Variants in ADD3 observed in about 807,000 individuals in gnomAD.
ADD3 encodes gamma-adducin.
In ADD3, 25 loss-of-function variants were observed where a neutral mutation model predicts 80.2. The observed-to-expected ratio is 0.31, with a 90% CI of 0.23 to 0.44. ADD3 has a LOEUF of 0.44. ADD3 is among the 20% of genes least tolerant of loss of function. The pLI, the probability that ADD3 is intolerant of heterozygous loss-of-function variation, is 1.00. For synonymous variants in ADD3, 284 were observed against 289.6 expected (o/e 0.98, Z 0.20); for missense variants, 829 against 847.5 (o/e 0.98, Z 0.27).
At chr10:110,064,683 AAAGTT>A (rs1392551209) in intron 1 of ADD3, among the ~76,000 whole-genome samples, 1 of 152,224 alleles carries the variant, frequency 6.6e-6, no homozygotes, top group Non-Finnish European at 1.5e-5. Flanking sequence ...CTTAAAATCC[AAAGTT>A]AATAGCTGTC....
intron 1 of ADD3, among the ~76,000 whole-genome samples, chr10:110,072,100 C>T (rs1284158490): frequency 6.6e-6 from 1 of 152,224 alleles, no homozygotes; most frequent in Non-Finnish European, 1.5e-5. Flanking sequence ...CTCTCTCTGT[C>T]ACCCAGGCTG....
At chr10:110,111,497 T>G (rs1302501773) in intron 2 of ADD3, among the ~76,000 whole-genome samples, 1 of 152,200 alleles carries the variant, frequency 6.6e-6, no homozygotes, top group African/African-American at 2.4e-5. Context: ...AGAGGCGTTC[T>G]CTTAATATTA....
chr10:110,080,521 A>G (rs1845947224), intron 1 of ADD3, among the ~76,000 whole-genome samples: 1 of 152,220 alleles, frequency 6.6e-6, no homozygotes, highest in African/African-American at 2.4e-5. Flanking sequence ...ATCATTCTAT[A>G]TTTTACATAA....
chr10:110,123,229 A>G lies in ADD3; in HGVS notation c.1144-788A>G, dbSNP rs182055579. ...CTGAGTACATTCCCTTTGGATATATATCTGGTAGTGAGACTGTTGGGTGAT... is the reference window on the plus strand; with the variant it reads ...CTGAGTACATTCCCTTTGGATATATGTCTGGTAGTGAGACTGTTGGGTGAT... On this transcript the variant is annotated intron_variant, in intron 9 of 14. Coordinates refer to ENST00000356080, the MANE Select transcript of ADD3 (RefSeq NM_016824.5). Among the ~76,000 whole-genome samples the G allele has an allele frequency of 4.6e-5, 7 of 152,278 alleles. No homozygotes were observed. In the East Asian group the frequency reaches 9.6e-4, roughly 21 times the overall value.
At chr10:110,121,047 T>C (rs931295459) in intron 8 of ADD3, among the ~76,000 whole-genome samples, 2 of 151,904 alleles carry the variant, frequency 1.3e-5, no homozygotes, top group Non-Finnish European at 2.9e-5. Context: ...CATAAAAACC[T>C]TAGAAGAAAA....
intron 1 of ADD3, among the ~76,000 whole-genome samples, chr10:110,032,113 C>T (rs1197719836): frequency 2.0e-5 from 3 of 152,106 alleles, no homozygotes; most frequent in African/African-American, 2.4e-5. Flanking sequence ...AAATCTTGGA[C>T]TTCAGAGACT....
At chr10:110,059,780 A>AAAAT (rs1194510878) in intron 1 of ADD3, among the ~76,000 whole-genome samples, 1 of 152,214 alleles carries the variant, frequency 6.6e-6, no homozygotes, top group Admixed American at 6.5e-5. Flanking sequence ...AAAAAAATAA[A>AAAAT]AAATAAATAA....
Position 110,117,921 on chromosome 10 carries a change from C to CA in ADD3, c.567+500dup, listed in dbSNP as rs1850965623. 2.0e-5 allele frequency among the ~76,000 whole-genome samples: 3 copies of CA among 151,878 alleles called. No individual in the cohort carries two copies. The South Asian group carries it at 6.2e-4, about 32-fold the overall frequency. On this transcript the variant is annotated intron_variant, in intron 5 of 14. Coordinates refer to ENST00000356080, the MANE Select transcript of ADD3 (RefSeq NM_016824.5). ...ATCCCGGCTACTCGGGAGGCTGAGG[C>CA]AGGAGAATCGCTTGAATCCATAAGG...
chr10:110,080,836 C>G (rs1471613307), intron 1 of ADD3, among the ~76,000 whole-genome samples: 2 of 152,168 alleles, frequency 1.3e-5, no homozygotes, highest in Admixed American at 1.3e-4. Flanking sequence ...AGATTTGATG[C>G]TGAGGAAGCT....
In ADD3 at chr10:110,026,492, C is replaced by A. The variant is rs1854323986; in HGVS notation, c.-30+18193C>A. Among the ~76,000 whole-genome samples the A allele has an allele frequency of 3.9e-5, 6 of 152,186 alleles. No individual in the cohort carries two copies. The South Asian group carries it at 1.0e-3, about 26-fold the overall frequency. On this transcript the variant is annotated intron_variant, in intron 1 of 14. Coordinates refer to ENST00000356080, the MANE Select transcript of ADD3 (RefSeq NM_016824.5). ...ATGGGGTGTCTCCATGTTGGTCAGG[C>A]TGGTCTTGAACTCCCGACCTCAGGT...
intron 1 of ADD3, among the ~76,000 whole-genome samples, chr10:110,075,310 C>G (rs1262310884): frequency 1.3e-5 from 2 of 151,654 alleles, no homozygotes; most frequent in Non-Finnish European, 2.9e-5. Flanking sequence ...ATTTTGCTCT[C>G]TCTGTGATTG....
At chr10:110,127,351 G>A (rs1433122330) in intron 12 of ADD3, among the ~76,000 whole-genome samples, 1 of 152,318 alleles carries the variant, frequency 6.6e-6, no homozygotes, top group African/African-American at 2.4e-5. Flanking sequence ...GGGTGCAGTG[G>A]CTCACGCCTG....
At chr10:110,014,774 G>A (rs556911102) in intron 1 of ADD3, among the ~76,000 whole-genome samples, 47 of 152,080 alleles carry the variant, frequency 3.1e-4, no homozygotes, top group African/African-American at 1.1e-3. Context: ...TGATCCACCC[G>A]CCTCGGCCTC....
chr10:110,100,867 C>A lies in ADD3; in HGVS notation c.195+19C>A. ...AAGTCCTGTGAGTTGAATTAGAAGGCTGTAATTTTTCTCCCTCTTTGGAAA... is the reference window on the plus strand; with the variant it reads ...AAGTCCTGTGAGTTGAATTAGAAGGATGTAATTTTTCTCCCTCTTTGGAAA... On this transcript the variant is annotated intron_variant, in intron 2 of 14. Coordinates refer to ENST00000356080, the MANE Select transcript of ADD3 (RefSeq NM_016824.5). 6.5e-7 allele frequency: 1 copy of A among 1,542,806 alleles called. No homozygotes were observed. Among genetic ancestry groups the A allele is most frequent in the Non-Finnish European group, 8.7e-7 (1 of 1,146,716 alleles).
At position 110,135,350 on chromosome 10, in the gene ADD3, A is replaced by G. The variant is rs574015207; in HGVS notation, c.*1732A>G. 6.5e-6 allele frequency: 1 copy of G among 152,774 alleles called. No homozygotes were observed. The highest frequency in any genetic ancestry group is 2.4e-5 in the African/African-American group (1 of 41,578). 9.5% of individuals were successfully genotyped at this position (152,774 alleles called of 1,614,324 possible). ...CTTTTCCATAACTTTTTAAAAATAT[A>G]TATATCTAAATGAATGCAATGTGCA... On this transcript the variant is annotated 3_prime_UTR_variant, in exon 15 of 15. Transcript: ENST00000356080.
intron 1 of ADD3, among the ~76,000 whole-genome samples, chr10:110,063,035 A>G (rs1031093529): frequency 6.6e-6 from 1 of 152,220 alleles, no homozygotes; most frequent in Non-Finnish European, 1.5e-5. Context: ...GTTGTGGGTT[A>G]GTGGTTACAT....
At chr10:110,011,805 C>CTA (rs974233359) in intron 1 of ADD3, among the ~76,000 whole-genome samples, 2 of 152,184 alleles carry the variant, frequency 1.3e-5, no homozygotes, top group African/African-American at 4.8e-5. Flanking sequence ...TGTTAATACT[C>CTA]TATGGTTTGA....
At chr10:110,101,378 A>G (rs1468379558) in intron 2 of ADD3, among the ~76,000 whole-genome samples, 1 of 152,224 alleles carries the variant, frequency 6.6e-6, no homozygotes, top group East Asian at 1.9e-4. Flanking sequence ...CTCACAGTGT[A>G]ATCCCAGCAC....
At chr10:110,118,805 G>C in intron 6 of ADD3, 69 bp downstream of exon 6, 2 of 1,461,088 alleles carry the variant, frequency 1.4e-6, no homozygotes, top group Non-Finnish European at 1.9e-6. Flanking sequence ...TTTCTCAACA[G>C]GATGCTTTAC....
Sources: gnomAD v4.1 joint callset for allele counts (sites outside exome capture counted in the v4.1 genomes callset) on GRCh38, gnomAD v4.1.1 for gene constraint, MANE v1.5 for transcripts, NCBI Gene and HGNC (gene_info 2026-07-23, HGNC 2026-07-21) for gene names.